Variants in PTCSC3 observed in about 807,000 individuals in gnomAD.
PTCSC3 encodes papillary thyroid carcinoma susceptibility candidate 3 (non-protein coding).
At chr14:36,143,586 A>C (rs1283158820) in intron 3 of PTCSC3, among the ~76,000 whole-genome samples, 1 of 148,344 alleles carries the variant, frequency 6.7e-6, no homozygotes, top group Non-Finnish European at 1.5e-5. Flanking sequence ...AGGTTGCGAA[A>C]ATTTTCTCCC....
At chr14:36,165,381 A>C (rs1007416670) in intron 1 of PTCSC3, 2 of 152,020 alleles carry the variant, frequency 1.3e-5, no homozygotes, top group Non-Finnish European at 2.9e-5. Flanking sequence ...TGTTCTTTCT[A>C]CCTCTATGGC....
chr14:36,153,135 G>C (rs1881759233), intron 3 of PTCSC3, among the ~76,000 whole-genome samples: 1 of 152,128 alleles, frequency 6.6e-6, no homozygotes, highest in Non-Finnish European at 1.5e-5. Context: ...GCAGATGGCT[G>C]TCTCCTCATT....
chr14:36,173,916 T>A (rs749722042), intron 1 of PTCSC3, among the ~76,000 whole-genome samples: 1 of 152,210 alleles, frequency 6.6e-6, no homozygotes, highest in Non-Finnish European at 1.5e-5. Flanking sequence ...CATTGTCTTC[T>A]GGACTCCATT....
At chr14:36,146,797 G>C (rs1478614608) in intron 3 of PTCSC3, among the ~76,000 whole-genome samples, 1 of 152,100 alleles carries the variant, frequency 6.6e-6, no homozygotes, top group Non-Finnish European at 1.5e-5. Context: ...GCAGCGGCTG[G>C]TACTGGTTGT....
intron 2 of PTCSC3, among the ~76,000 whole-genome samples, chr14:36,162,093 C>T (rs1881968915): frequency 6.6e-6 from 1 of 152,178 alleles, no homozygotes. Flanking sequence ...CAACTTCAGA[C>T]TGCTGTGCTG....
At chr14:36,170,249 C>CT (rs758541602) in intron 1 of PTCSC3, among the ~76,000 whole-genome samples, 34 of 151,858 alleles carry the variant, frequency 2.2e-4, no homozygotes, top group Non-Finnish European at 4.6e-4. Flanking sequence ...CGCATTATTT[C>CT]TTTTTACCTT....
chr14:36,158,218 C>T (rs1442965555), intron 2 of PTCSC3, among the ~76,000 whole-genome samples: 1 of 152,166 alleles, frequency 6.6e-6, no homozygotes, highest in Non-Finnish European at 1.5e-5. Flanking sequence ...ATTTGACTTC[C>T]TCTTTTCTTA....
intron 1 of PTCSC3, among the ~76,000 whole-genome samples, chr14:36,166,912 A>T (rs755121074): frequency 1.3e-5 from 2 of 152,180 alleles, no homozygotes; most frequent in African/African-American, 2.4e-5. Flanking sequence ...AGTTCTTATA[A>T]TCACTAAGGA....
At chr14:36,149,290 C>A (rs1311003943) in intron 3 of PTCSC3, among the ~76,000 whole-genome samples, 3 of 152,056 alleles carry the variant, frequency 2.0e-5, no homozygotes, top group Non-Finnish European at 4.4e-5. Flanking sequence ...TATTTGAGAT[C>A]CATCTCGATA....
chr14:36,139,448 A>C (rs1428445106), intron 3 of PTCSC3, among the ~76,000 whole-genome samples: 6 of 152,204 alleles, frequency 3.9e-5, no homozygotes, highest in Admixed American at 1.3e-4. Context: ...TTTAAAATAC[A>C]TACAGAATCC....
chr14:36,162,280 A>T (rs1417712243), intron 2 of PTCSC3, among the ~76,000 whole-genome samples: 2 of 115,456 alleles, frequency 1.7e-5, no homozygotes, highest in Non-Finnish European at 2.0e-5. Flanking sequence ...AAAAAAAAAA[A>T]AAAAACTCCT....
intron 1 of PTCSC3, among the ~76,000 whole-genome samples, chr14:36,175,173 C>A (rs1882261201): frequency 2.0e-5 from 3 of 152,150 alleles, no homozygotes; most frequent in Admixed American, 1.3e-4. Flanking sequence ...CCCAGCTCAA[C>A]AGGACTGCCA....
At chr14:36,138,410 CT>C (rs1259577623) in intron 3 of PTCSC3, among the ~76,000 whole-genome samples, 1 of 152,160 alleles carries the variant, frequency 6.6e-6, no homozygotes, top group Non-Finnish European at 1.5e-5. Context: ...AAAAGGCAAA[CT>C]AAAAACTGTC....
Position 36,142,904 on chromosome 14 carries a change from G to A in PTCSC3, n.323-6548C>T, listed in dbSNP as rs111880073. On this transcript the variant is annotated intron_variant and non_coding_transcript_variant, in intron 3 of 3. Transcript: ENST00000556013. ...TTCCCACCTATGAGTGAGAATATGCGCTGTCTGGTTTTTTGTTATTGCGAT... is the reference window on the plus strand; with the variant it reads ...TTCCCACCTATGAGTGAGAATATGCACTGTCTGGTTTTTTGTTATTGCGAT... Among the ~76,000 whole-genome samples, 874 of 149,552 alleles carry A rather than the reference G, an allele frequency of 5.8e-3. 8 individuals carry two copies. Among genetic ancestry groups the A allele is most frequent in the African/African-American group, 0.019 (786 of 40,458 alleles).
chr14:36,151,955 A>G (rs1054679835), intron 3 of PTCSC3, among the ~76,000 whole-genome samples: 17 of 152,212 alleles, frequency 1.1e-4, no homozygotes, highest in Admixed American at 2.6e-4. Context: ...AACTCATGAA[A>G]ATGATTTTTC....
At chr14:36,150,525 A>G (rs1003718650) in intron 3 of PTCSC3, among the ~76,000 whole-genome samples, 1 of 152,240 alleles carries the variant, frequency 6.6e-6, no homozygotes, top group Non-Finnish European at 1.5e-5. Context: ...AGCAGCCTGA[A>G]GGGACTGACA....
chr14:36,151,433 G>C (rs1020706457), intron 3 of PTCSC3, among the ~76,000 whole-genome samples: 3 of 151,904 alleles, frequency 2.0e-5, no homozygotes, highest in Non-Finnish European at 4.4e-5. Flanking sequence ...TATTAATTGT[G>C]GAAAATTATG....
intron 1 of PTCSC3, among the ~76,000 whole-genome samples, chr14:36,169,947 G>A (rs1010671692): frequency 3.3e-5 from 5 of 152,102 alleles, no homozygotes; most frequent in Admixed American, 3.3e-4. Context: ...TGCTGTAATA[G>A]AGACATGCAA....
chr14:36,174,287 G>A (rs1157503299), intron 1 of PTCSC3, among the ~76,000 whole-genome samples: 4 of 151,958 alleles, frequency 2.6e-5, no homozygotes, highest in Non-Finnish European at 5.9e-5. Context: ...TCCAGATTCA[G>A]GCATGTCTAT....
Sources: gnomAD v4.1 joint callset for allele counts (sites outside exome capture counted in the v4.1 genomes callset) on GRCh38, gnomAD v4.1.1 for gene constraint, MANE v1.5 for transcripts, NCBI Gene and HGNC (gene_info 2026-07-23, HGNC 2026-07-21) for gene names.